ZNF704: variants seen among roughly 807,000 people sequenced by gnomAD.
The protein encoded by ZNF704 is glucocorticoid induced gene 1.
ZNF704 carries 10 observed loss-of-function variants against 44.7 expected under a neutral mutation model. That is an observed-to-expected ratio of 0.22 (90% CI 0.14 to 0.38). The LOEUF (loss-of-function observed/expected upper bound fraction) is 0.38. ZNF704 is among the 10% of genes least tolerant of loss of function. The pLI, the probability that ZNF704 is intolerant of heterozygous loss-of-function variation, is 1.00. For missense variants in ZNF704, 390 were observed against 545.5 expected (o/e 0.71, Z 2.84); for synonymous variants, 211 against 207.6 (o/e 1.02, Z -0.14).
intron 4 of ZNF704, among the ~76,000 whole-genome samples, chr8:80,676,906 T>C (rs11996008): frequency 0.11 from 17,175 of 152,206 alleles, 3,263 homozygotes; most frequent in African/African-American, 0.39. Context: ...AATGCTCGCT[T>C]GCCTCCTGCT....
At chr8:80,705,275 TTG>T (rs1215280948) in intron 2 of ZNF704, among the ~76,000 whole-genome samples, 2 of 152,038 alleles carry the variant, frequency 1.3e-5, no homozygotes. Flanking sequence ...AGTGTGTGTT[TTG>T]TGTGTCTCTG....
chr8:80,863,997 T>G (rs772769535), intron 1 of ZNF704, among the ~76,000 whole-genome samples: 2 of 152,228 alleles, frequency 1.3e-5, no homozygotes, highest in African/African-American at 4.8e-5. Flanking sequence ...TCTTCCACAC[T>G]AGACCCATCG....
chr8:80,782,668 G>C (rs2129713222), intron 2 of ZNF704, among the ~76,000 whole-genome samples: 1 of 152,262 alleles, frequency 6.6e-6, no homozygotes, highest in South Asian at 2.1e-4. Context: ...GGACGACCAG[G>C]GTAAGAAAGA....
At position 80,655,268 on chromosome 8, in the gene ZNF704, TG is replaced by T. The variant is rs571416260; in HGVS notation, c.1032+4316del. Among the ~76,000 whole-genome samples the T allele has an allele frequency of 4.7e-3, 713 of 151,862 alleles. 5 individuals carry two copies. Among genetic ancestry groups the T allele is most frequent in the African/African-American group, 0.016 (666 of 41,406 alleles). ...AGTTAATGGGTGCAGCACACCAACA[TG>T]GCACATGTATACATATGTAACAAAC... On this transcript the variant is annotated intron_variant, in intron 7 of 8. Transcript: ENST00000327835.
chr8:80,879,381 C>T (rs1274062868), upstream of ZNF704, among the ~76,000 whole-genome samples: 1 of 151,970 alleles, frequency 6.6e-6, no homozygotes, highest in Non-Finnish European at 1.5e-5. Flanking sequence ...GGACCACAGG[C>T]ATGCAACACC....
intron 2 of ZNF704, among the ~76,000 whole-genome samples, chr8:80,783,692 T>C (rs1464015378): frequency 1.3e-5 from 2 of 152,254 alleles, no homozygotes; most frequent in South Asian, 2.1e-4. Flanking sequence ...CCTTTCCCAC[T>C]GCCGACATCG....
chr8:80,711,629 G>C (rs1216089328), intron 2 of ZNF704, among the ~76,000 whole-genome samples: 1 of 152,064 alleles, frequency 6.6e-6, no homozygotes. Flanking sequence ...CAGAACACCA[G>C]TGTGACTGTT....
intron 7 of ZNF704, among the ~76,000 whole-genome samples, chr8:80,656,471 G>A (rs1818018745): frequency 6.6e-6 from 1 of 152,122 alleles, no homozygotes; most frequent in African/African-American, 2.4e-5. Flanking sequence ...AGGTCATTAG[G>A]GAAAAACATG....
chr8:80,715,214 T>C (rs956699195), intron 2 of ZNF704, among the ~76,000 whole-genome samples: 16 of 152,246 alleles, frequency 1.1e-4, no homozygotes, highest in African/African-American at 3.9e-4. Context: ...ACACTATTAA[T>C]GTATAAGCCC....
At chr8:80,792,740 C>T (rs950250997) in intron 2 of ZNF704, among the ~76,000 whole-genome samples, 6 of 152,170 alleles carry the variant, frequency 3.9e-5, no homozygotes, top group African/African-American at 1.2e-4. Context: ...CCACTTCCAG[C>T]TGACAGCCAC....
At chr8:80,824,307 A>C (rs1032121252) in intron 1 of ZNF704, among the ~76,000 whole-genome samples, 1 of 152,240 alleles carries the variant, frequency 6.6e-6, no homozygotes, top group Admixed American at 6.5e-5. Flanking sequence ...CGATTTGATC[A>C]AGTGGAAAAA....
chr8:80,696,366 T>C (rs890360379), intron 2 of ZNF704, among the ~76,000 whole-genome samples: 33 of 152,332 alleles, frequency 2.2e-4, no homozygotes, highest in African/African-American at 6.7e-4. Context: ...AAATACAGGT[T>C]GAGTATTCCT....
intron 7 of ZNF704, among the ~76,000 whole-genome samples, chr8:80,654,388 T>C (rs1295097848): frequency 6.6e-6 from 1 of 152,012 alleles, no homozygotes; most frequent in Non-Finnish European, 1.5e-5. Flanking sequence ...GAAACTACCA[T>C]CAGAGTGAAC....
chr8:80,808,258 T>G (rs1471109299), intron 2 of ZNF704, among the ~76,000 whole-genome samples: 1 of 152,236 alleles, frequency 6.6e-6, no homozygotes, highest in Non-Finnish European at 1.5e-5. Context: ...CCCCAAATTA[T>G]CTGCAACTGA....
chr8:80,804,250 G>A (rs1294097454), intron 2 of ZNF704, among the ~76,000 whole-genome samples: 2 of 152,146 alleles, frequency 1.3e-5, no homozygotes. Flanking sequence ...TTAAACCATG[G>A]TGGAAGACAG....
intron 2 of ZNF704, among the ~76,000 whole-genome samples, chr8:80,775,214 T>G (rs966551941): frequency 7.9e-5 from 12 of 152,196 alleles, no homozygotes; most frequent in Non-Finnish European, 1.3e-4. Context: ...ATCAAACATC[T>G]TGGTTATAAA....
intron 2 of ZNF704, among the ~76,000 whole-genome samples, chr8:80,787,256 T>C (rs1807629969): frequency 6.6e-6 from 1 of 152,228 alleles, no homozygotes; most frequent in Admixed American, 6.5e-5. Context: ...TTTTTCTCTT[T>C]ACCTCTTTCT....
chr8:80,770,047 A>ATGTATTCTCAGAATACATCTCACAAG (rs1436373187), intron 2 of ZNF704, among the ~76,000 whole-genome samples: 1 of 152,156 alleles, frequency 6.6e-6, no homozygotes, highest in Non-Finnish European at 1.5e-5. Context: ...CCCCCTTATG[A>ATGTATTCTCAGAATACATCTCACAAG]AACCATCAGA....
At chr8:80,802,582 C>CA (rs1160814484) in intron 2 of ZNF704, among the ~76,000 whole-genome samples, 4 of 152,082 alleles carry the variant, frequency 2.6e-5, no homozygotes, top group Non-Finnish European at 5.9e-5. Flanking sequence ...AAACTAAAGA[C>CA]AAAAAACACA....
Sources: gnomAD v4.1 joint callset for allele counts (sites outside exome capture counted in the v4.1 genomes callset) on GRCh38, gnomAD v4.1.1 for gene constraint, MANE v1.5 for transcripts, NCBI Gene and HGNC (gene_info 2026-07-23, HGNC 2026-07-21) for gene names.